The following CPT1C variants were observed in gnomAD, a reference collection of about 807,000 sequenced individuals.
CPT1C encodes carnitine palmitoyltransferase 1C, also known as palmitoyl thioesterase CPT1C.
Under a neutral mutation model 97.3 loss-of-function variants are expected in CPT1C, and 61 were observed. The observed-to-expected ratio is 0.63, with a 90% CI of 0.51 to 0.78. The LOEUF (loss-of-function observed/expected upper bound fraction) is 0.78. Among genes scored for constraint, CPT1C ranks in the 30% least tolerant of loss-of-function variants. The pLI, the probability that CPT1C is intolerant of heterozygous loss-of-function variation, is 0.00. For missense variants in CPT1C, 975 were observed against 1,065.5 expected, an observed-to-expected ratio of 0.92 and a Z score of 1.18; for synonymous variants, 469 against 447.2, an observed-to-expected ratio of 1.05 and a Z score of -0.61.
chr19:49,692,446 G>C (rs2082408796), intron 3 of CPT1C, 53 bp downstream of exon 3: 3 of 1,600,914 alleles, frequency 1.9e-6, no homozygotes, highest in Non-Finnish European at 2.6e-6. Flanking sequence ...TTCTGCTTCC[G>C]GGATGTCTGA....
At chr19:49,695,369 C>T (rs1044297621) in intron 3 of CPT1C, among the ~76,000 whole-genome samples, 14 of 148,948 alleles carry the variant, frequency 9.4e-5, no homozygotes, top group East Asian at 2.0e-4. Flanking sequence ...CTCCAATTTC[C>T]GCCTCATGGG....
intron 3 of CPT1C, among the ~76,000 whole-genome samples, 193 bp from the exon 4 acceptor site, chr19:49,697,133 T>A (rs2082716705): frequency 6.6e-6 from 1 of 152,194 alleles, no homozygotes; most frequent in African/African-American, 2.4e-5. Flanking sequence ...TCTTGCCCTA[T>A]AGCAATTAAT....
chr19:49,691,310 G>C lies in CPT1C; in HGVS notation c.-114G>C, dbSNP rs575178007. 1 of 152,292 alleles carries C rather than the reference G, an allele frequency of 6.6e-6. No homozygotes were observed. The highest frequency in any genetic ancestry group is 2.1e-4 in the South Asian group (1 of 4,822). The allele number at this position is 152,292 out of a possible 1,614,324, so 9.4% of individuals were successfully genotyped here. A position where few individuals can be genotyped will look rare whatever the true frequency, so the allele number is the denominator to read the frequency against. ...GGGTGGACTCGGGTTTGGACCCCAGGATCCGATCAGCGGACCCTTGATTCA... is the reference window on the plus strand; with the variant it reads ...GGGTGGACTCGGGTTTGGACCCCAGCATCCGATCAGCGGACCCTTGATTCA... On this transcript the variant is annotated 5_prime_UTR_variant, in exon 1 of 20. Transcript: ENST00000598293.
rs113946218 is a variant in CPT1C, at chr19:49,702,921, C to T, written c.693+1287C>T. ...TGAGAGGGGAAGGGAAGAGGGTCCC[C>T]GGCAGAGCCCCACGAGGCAGCTATG... On this transcript the variant is annotated intron_variant, in intron 7 of 19. Transcript: ENST00000598293. Among the ~76,000 whole-genome samples the T allele has an allele frequency of 7.9e-3, 1,196 of 152,128 alleles. 15 individuals are homozygous for T. The highest frequency in any genetic ancestry group is 0.027 in the African/African-American group (1,126 of 41,494).
chr19:49,707,576 G>C lies in CPT1C; in HGVS notation c.1402G>C (p.Val468Leu), dbSNP rs146072637. 1 of 1,613,966 alleles carries C rather than the reference G, an allele frequency of 6.2e-7. No homozygotes were observed. Among genetic ancestry groups the C allele is most frequent in the South Asian group, 1.1e-5 (1 of 91,050 alleles). Reference sequence around the variant, plus strand: ...CTCTAACGGGAAGCTGGGCCTCAGCGTGGAGCACTCCTGGGCCGACTGCCC... The same window carrying C: ...CTCTAACGGGAAGCTGGGCCTCAGCCTGGAGCACTCCTGGGCCGACTGCCC... Reference protein sequence around the residue: ...VFSNGKLGLSVEHSWADCPIS... With the variant: ...VFSNGKLGLSLEHSWADCPIS... The change falls in exon 13 of 20, where the codon GTG (valine) becomes CTG (leucine). Residue 468 changes from valine to leucine, a missense_variant. Val to Leu is a conservative substitution (Grantham distance 32). Transcript: ENST00000598293.
Position 49,699,006 on chromosome 19 carries a change from G to A in CPT1C, c.281+1541G>A, listed in dbSNP as rs1415759198. Among the ~76,000 whole-genome samples, 3 of 152,074 alleles carry A rather than the reference G, an allele frequency of 2.0e-5. No individual in the cohort carries two copies. The South Asian group carries it at 6.2e-4, about 32-fold the overall frequency. On this transcript the variant is annotated intron_variant, in intron 4 of 19. Coordinates refer to ENST00000598293, the MANE Select transcript of CPT1C (RefSeq NM_001199753.2). ...TAATCCCAGCTACTTGGGAGGCTGA[G>A]GCAGGAGAATTGTTTGAACCTGGGA...
intron 7 of CPT1C, among the ~76,000 whole-genome samples, chr19:49,703,155 T>TCCTG (rs551749231): frequency 6.2e-5 from 9 of 145,426 alleles, no homozygotes; most frequent in African/African-American, 1.5e-4. Context: ...CTACCTTCTT[T>TCCTG]CCTGCCTGCC....
rs12984650 is a variant in CPT1C, at chr19:49,704,923, G to T, written c.772-84G>T. Reference sequence around the variant, plus strand: ...ATTCATCATTCCACCCTCTTTTGGGGTCAGGACCTGTATTTGGGTCAGTGG... The same window carrying T: ...ATTCATCATTCCACCCTCTTTTGGGTTCAGGACCTGTATTTGGGTCAGTGG... On this transcript the variant is annotated intron_variant, in intron 8 of 19. Transcript: ENST00000598293. The T allele has an allele frequency of 0.15, 217,845 of 1,410,746 alleles. 18,796 individuals carry two copies. The highest frequency in any genetic ancestry group is 0.18 in the Non-Finnish European group (179,842 of 1,007,242). 87.4% of individuals were successfully genotyped at this position (1,410,746 alleles called of 1,614,324 possible). A position where few individuals can be genotyped will look rare whatever the true frequency, so the allele number is the denominator to read the frequency against.
rs1174977117 is a variant in CPT1C, at chr19:49,706,018, G to A, written c.1074G>A (p.Leu358=). Residue 358 remains leucine (L), a synonymous_variant, in exon 11 of 20, where the codon CTG becomes CTA. Transcript: ENST00000598293. This position sits in a 1 kb window ranked among gnomAD's most constrained non-coding sequence, Gnocchi z 4.8. Reference sequence around the variant, plus strand: ...ACAGCCTGCTTTCCCCGAGAGCCCTGGAGCAGCAGTTTCAGAGAATCCTGG... The same window carrying A: ...ACAGCCTGCTTTCCCCGAGAGCCCTAGAGCAGCAGTTTCAGAGAATCCTGG... ...SRNSLLSPRA[L]EQQFQRILDD... is the part of the protein sequence containing the mutation. 2.2e-5 allele frequency: 36 copies of A among 1,613,852 alleles called. No individual in the cohort carries two copies. The highest frequency in any genetic ancestry group is 3.0e-5 in the Non-Finnish European group (35 of 1,179,984).
intron 12 of CPT1C, among the ~76,000 whole-genome samples, 163 bp from the exon 13 acceptor site, chr19:49,707,355 G>A (rs113185396): frequency 0.016 from 2,455 of 152,132 alleles, 38 homozygotes; most frequent in South Asian, 0.036. Context: ...AGACCTCCAG[G>A]GCCACTACTG....
chr19:49,702,139 A>G (rs1317266584), intron 7 of CPT1C, among the ~76,000 whole-genome samples: 4 of 107,686 alleles, frequency 3.7e-5, no homozygotes, highest in South Asian at 2.5e-4. Flanking sequence ...TTATAAATAA[A>G]TATATATTTA....
chr19:49,711,151 T>C (rs377533242), intron 16 of CPT1C: 134 of 210,020 alleles, frequency 6.4e-4, no homozygotes, highest in African/African-American at 2.9e-3. Context: ...TGGAGTGCAG[T>C]GGCACAATCT....
intron 10 of CPT1C, 140 bp from the exon 11 acceptor site, chr19:49,705,769 G>C: frequency 1.3e-6 from 1 of 769,330 alleles, no homozygotes; most frequent in Non-Finnish European, 2.1e-6. Context: ...CAAATACTAA[G>C]TAAATAAAAG....
At chr19:49,701,675 T>C (rs1418672436) in intron 7 of CPT1C, 41 bp downstream of exon 7, 1 of 1,557,490 alleles carries the variant, frequency 6.4e-7, no homozygotes, top group Non-Finnish European at 8.7e-7. Flanking sequence ...CCTGAAGGGC[T>C]AAGGTTGTGA....
Position 49,713,730 on chromosome 19 carries a change from G to T in CPT1C, c.*125G>T, listed in dbSNP as rs896280794. On this transcript the variant is annotated 3_prime_UTR_variant, in exon 20 of 20. Transcript: ENST00000598293. The stretch of plus-strand genomic sequence containing the variant: ...CAGGCCAATAAAGATGTGTGAGCTG[G>T]GTGTGTGGTGTCTGCTATGCTCTTG... 1.8e-5 allele frequency: 16 copies of T among 865,136 alleles called. No homozygotes were observed. The African/African-American group carries it at 2.4e-4, about 13-fold the overall frequency. The allele number at this position is 865,136 out of a possible 1,614,324, so 53.6% of individuals were successfully genotyped here.
intron 5 of CPT1C, 49 bp from the exon 6 acceptor site, chr19:49,701,268 T>G: frequency 6.5e-7 from 1 of 1,530,544 alleles, no homozygotes; most frequent in Non-Finnish European, 8.9e-7. Context: ...CCCCGTCAAC[T>G]CCCTGGCTCC....
intron 12 of CPT1C, among the ~76,000 whole-genome samples, chr19:49,707,290 C>T (rs896469384): frequency 7.2e-5 from 11 of 151,822 alleles, no homozygotes; most frequent in Non-Finnish European, 1.5e-4. Context: ...CATCTCAAAA[C>T]AAACAAACAA....
Position 49,707,409 on chromosome 19 carries a change from T to A in CPT1C, c.1344-109T>A, listed in dbSNP as rs537556938. On this transcript the variant is annotated intron_variant, in intron 12 of 19. Coordinates refer to ENST00000598293, the MANE Select transcript of CPT1C (RefSeq NM_001199753.2). The stretch of plus-strand genomic sequence containing the variant: ...AGAGATCCCCATACCAGCACCCCAA[T>A]GGATTCCCACATCTTCCCATCTAGA... 6.5e-6 allele frequency: 5 copies of A among 772,296 alleles called. No individual in the cohort carries two copies. In the Admixed American group the frequency reaches 9.3e-5, roughly 14 times the overall value. The allele number at this position is 772,296 out of a possible 1,614,324, so 47.8% of individuals were successfully genotyped here. A position where few individuals can be genotyped will look rare whatever the true frequency, so the allele number is the denominator to read the frequency against.
Position 49,713,577 on chromosome 19 carries a change from A to C in CPT1C, c.2384A>C (p.Lys795Thr). The C allele has an allele frequency of 6.2e-7, 1 of 1,613,178 alleles. No homozygotes were observed. The highest frequency in any genetic ancestry group is 1.1e-5 in the South Asian group (1 of 90,972). Residue 795 changes from lysine (K) to threonine (T), a missense_variant, in exon 20 of 20, where the codon AAG becomes ACG. This residue lies in a region of CPT1C where 344 missense variants were observed against 395.7 expected (regional missense o/e 0.87). Transcript: ENST00000598293. Reference sequence around the variant, plus strand: ...CTCTCCCGCCAGACTGGGGCCTCCAAGGCCTCAATGACATCCACCGACTTC... The same window carrying C: ...CTCTCCCGCCAGACTGGGGCCTCCACGGCCTCAATGACATCCACCGACTTC... ...GFLSRQTGAS[K>T]ASMTSTDF is the part of the protein sequence containing the mutation.
Sources: allele counts gnomAD v4.1 joint callset (sites outside exome capture counted in the v4.1 genomes callset), GRCh38; gene constraint gnomAD v4.1.1; regional missense constraint gnomAD v4.1.1; non-coding constraint Gnocchi (gnomAD v3.1); transcripts MANE v1.5; gene names NCBI Gene and HGNC (gene_info 2026-07-23, HGNC 2026-07-21).